The following CNTNAP2 variants were observed in gnomAD, a reference collection of about 807,000 sequenced individuals.
The protein encoded by CNTNAP2 is contactin-associated protein-like 2.
A neutral mutation model predicts 155.2 loss-of-function variants in CNTNAP2; 98 were observed. The observed-to-expected ratio is 0.63, with a 90% CI of 0.54 to 0.75. The LOEUF (loss-of-function observed/expected upper bound fraction) is 0.75, where lower values mean the gene tolerates loss of function less well. CNTNAP2 is among the 30% of genes least tolerant of loss of function. CNTNAP2 has a pLI of 0.00. For synonymous variants in CNTNAP2, 651 were observed against 631.2 expected (o/e 1.03, Z -0.47); for missense variants, 1,727 against 1,688.1 (o/e 1.02, Z -0.40).
At chr7:147,125,342 C>A (rs1801211203) in intron 6 of CNTNAP2, among the ~76,000 whole-genome samples, 1 of 152,112 alleles carries the variant, frequency 6.6e-6, no homozygotes, top group Non-Finnish European at 1.5e-5. Flanking sequence ...TGACCTAGTC[C>A]TAAGAGTTTG....
rs141115330 is a variant in CNTNAP2 at position 147,440,203 on chromosome 7, T to A, written c.1670+44423T>A. 2.0e-4 allele frequency among the ~76,000 whole-genome samples: 31 copies of A among 152,202 alleles called. 1 individual carries two copies. Among genetic ancestry groups the A allele is most frequent in the African/African-American group, 7.2e-4 (30 of 41,572 alleles). ...TTTTCTCTGATTATATAATTTAGTTTCTTGTTTTTTATTTTCTGTGTATCT... is the reference window on the plus strand; with the variant it reads ...TTTTCTCTGATTATATAATTTAGTTACTTGTTTTTTATTTTCTGTGTATCT... On this transcript the variant is annotated intron_variant, in intron 10 of 23. Coordinates refer to ENST00000361727, the MANE Select transcript of CNTNAP2 (RefSeq NM_014141.6).
chr7:146,846,671 A>G lies in CNTNAP2; in HGVS notation c.402+6767A>G, dbSNP rs143106233. On this transcript the variant is annotated intron_variant, in intron 3 of 23. Transcript: ENST00000361727. ...CTTGGGACAATTTCTGAGACTCAAT[A>G]TTGTACATAAATAGAACTGTTCTAA... Among the ~76,000 whole-genome samples the G allele has an allele frequency of 9.4e-3, 1,426 of 152,272 alleles. 19 individuals carry two copies. The highest frequency in any genetic ancestry group is 0.041 in the South Asian group (197 of 4,828).
At chr7:147,247,207 C>T (rs940260425) in intron 8 of CNTNAP2, among the ~76,000 whole-genome samples, 11 of 151,728 alleles carry the variant, frequency 7.2e-5, no homozygotes, top group Admixed American at 1.3e-4. Context: ...ATTTTATTTC[C>T]CCTCTCCTCG....
At chr7:147,320,664 T>C (rs1290391684) in intron 9 of CNTNAP2, among the ~76,000 whole-genome samples, 1 of 152,150 alleles carries the variant, frequency 6.6e-6, no homozygotes, top group Admixed American at 6.6e-5. Context: ...ACTCCTCTTA[T>C]GAAAATAAAA....
At chr7:146,955,992 C>T (rs749048448) in intron 3 of CNTNAP2, among the ~76,000 whole-genome samples, 5 of 151,786 alleles carry the variant, frequency 3.3e-5, no homozygotes, top group Non-Finnish European at 7.4e-5. Flanking sequence ...ATTATGTATA[C>T]GTTTTTTTTC....
intron 17 of CNTNAP2, among the ~76,000 whole-genome samples, chr7:148,165,973 C>T (rs1805649491): frequency 6.6e-6 from 1 of 152,128 alleles, no homozygotes; most frequent in Admixed American, 6.5e-5. Flanking sequence ...GCCTCCCCTA[C>T]TTGCAGGATG....
chr7:148,241,131 C>A (rs1427671549), intron 20 of CNTNAP2, among the ~76,000 whole-genome samples: 2 of 152,178 alleles, frequency 1.3e-5, no homozygotes, highest in Admixed American at 6.5e-5. Flanking sequence ...TGTTCTCTAG[C>A]AAGTTAATGA....
At chr7:147,631,222 A>C (rs1313651727) in intron 12 of CNTNAP2, among the ~76,000 whole-genome samples, 1 of 152,148 alleles carries the variant, frequency 6.6e-6, no homozygotes, top group Non-Finnish European at 1.5e-5. Context: ...TCCCTTTTAC[A>C]ACAGCTTCAC....
At chr7:147,428,585 C>T (rs1038015489) in intron 10 of CNTNAP2, among the ~76,000 whole-genome samples, 9 of 152,098 alleles carry the variant, frequency 5.9e-5, no homozygotes, top group Admixed American at 4.6e-4. Flanking sequence ...TCAGTTTGTT[C>T]TACGGAAGTT....
intron 1 of CNTNAP2, among the ~76,000 whole-genome samples, chr7:146,224,523 G>T (rs1458087971): frequency 6.6e-6 from 1 of 151,716 alleles, no homozygotes; most frequent in Admixed American, 6.6e-5. Flanking sequence ...CGAGGCGGGC[G>T]GATCATGAGG....
intron 3 of CNTNAP2, among the ~76,000 whole-genome samples, chr7:146,927,888 G>A (rs1288018525): frequency 6.6e-6 from 1 of 151,210 alleles, no homozygotes. Context: ...TATTTCTATA[G>A]AGAGAGTGTG....
chr7:147,330,964 A>G (rs1187179256), intron 9 of CNTNAP2, among the ~76,000 whole-genome samples: 2 of 152,200 alleles, frequency 1.3e-5, no homozygotes, highest in Admixed American at 1.3e-4. Context: ...CTTCCTTTCT[A>G]CCACTAACTA....
chr7:147,507,792 C>T (rs532720441), intron 11 of CNTNAP2, among the ~76,000 whole-genome samples: 9 of 152,064 alleles, frequency 5.9e-5, no homozygotes, highest in South Asian at 2.1e-4. Context: ...ACCTCGTGAT[C>T]GGCCTGCCTC....
chr7:147,133,689 T>C (rs1801422193), intron 8 of CNTNAP2, among the ~76,000 whole-genome samples: 1 of 152,166 alleles, frequency 6.6e-6, no homozygotes. Flanking sequence ...CTATAGAACA[T>C]ATATATTTTC....
At chr7:147,876,128 C>T (rs1470204910) in intron 13 of CNTNAP2, among the ~76,000 whole-genome samples, 1 of 152,190 alleles carries the variant, frequency 6.6e-6, no homozygotes, top group Non-Finnish European at 1.5e-5. Context: ...CGGAAGAGAA[C>T]ACTCTGCCCC....
chr7:147,663,252 T>C (rs1282317196), intron 13 of CNTNAP2, among the ~76,000 whole-genome samples: 2 of 152,238 alleles, frequency 1.3e-5, no homozygotes, highest in Non-Finnish European at 2.9e-5. Flanking sequence ...CGCCTTGGCC[T>C]CCCAACGTGC....
chr7:147,901,117 A>G (rs773106569), intron 13 of CNTNAP2, among the ~76,000 whole-genome samples: 1 of 152,134 alleles, frequency 6.6e-6, no homozygotes, highest in Middle Eastern at 3.2e-3. Context: ...AAATCCCAAC[A>G]GTCCCAGCCA....
intron 1 of CNTNAP2, among the ~76,000 whole-genome samples, chr7:146,395,829 G>C: frequency 1.1e-5 from 1 of 87,378 alleles, no homozygotes; most frequent in East Asian, 2.7e-4. Flanking sequence ...AGATAGAGGA[G>C]AGAGAGAGAG....
intron 15 of CNTNAP2, among the ~76,000 whole-genome samples, chr7:147,997,788 T>C (rs982494516): frequency 6.6e-6 from 1 of 151,756 alleles, no homozygotes; most frequent in African/African-American, 2.4e-5. Context: ...TGAAAAGAGG[T>C]GTTACCAGTA....
Sources: allele counts gnomAD v4.1 joint callset (sites outside exome capture counted in the v4.1 genomes callset), GRCh38; gene constraint gnomAD v4.1.1; transcripts MANE v1.5; gene names NCBI Gene and HGNC (gene_info 2026-07-23, HGNC 2026-07-21).